Variants in GRIN2B observed in about 807,000 individuals in gnomAD.
The protein encoded by GRIN2B is glutamate ionotropic receptor NMDA type subunit 2B, also known as glutamate receptor ionotropic, NMDA 2B.
Under a neutral mutation model 114.5 loss-of-function variants are expected in GRIN2B, and 5 were observed. The ratio of observed to expected loss-of-function variants is 0.04; its 90% confidence interval spans 0.02 to 0.09. The LOEUF (loss-of-function observed/expected upper bound fraction) is 0.09, where lower values mean the gene tolerates loss of function less well. Among genes scored for constraint, GRIN2B ranks in the 10% least tolerant of loss-of-function variants. The pLI is 1.00. For missense variants in GRIN2B, 1,108 were observed against 1,943.5 expected (o/e 0.57, Z 8.08); for synonymous variants, 787 against 745.1 (o/e 1.06, Z -0.92).
chr12:13,641,455 C>T (rs1339011031), intron 5 of GRIN2B, among the ~76,000 whole-genome samples: 2 of 152,088 alleles, frequency 1.3e-5, no homozygotes, highest in African/African-American at 4.8e-5. Flanking sequence ...ATGTCTTATA[C>T]TTCTCTGTCT....
chr12:13,801,670 A>G (rs1864516744), intron 3 of GRIN2B, among the ~76,000 whole-genome samples: 1 of 152,156 alleles, frequency 6.6e-6, no homozygotes, highest in Admixed American at 6.5e-5. Flanking sequence ...AGACATAACG[A>G]TCCTAAGGTG....
At chr12:13,601,491 A>G (rs955749999) in intron 10 of GRIN2B, among the ~76,000 whole-genome samples, 4 of 151,218 alleles carry the variant, frequency 2.6e-5, no homozygotes, top group Non-Finnish European at 1.5e-5. Context: ...TCATTTTGAG[A>G]TCTTTAACTT....
chr12:13,686,958 C>A (rs560282559), intron 4 of GRIN2B, among the ~76,000 whole-genome samples: 1 of 152,180 alleles, frequency 6.6e-6, no homozygotes, highest in African/African-American at 2.4e-5. Flanking sequence ...CCATGAGAAC[C>A]AGTTGTTAAA....
chr12:13,972,466 C>G (rs1862939943), intron 2 of GRIN2B, among the ~76,000 whole-genome samples: 1 of 151,820 alleles, frequency 6.6e-6, no homozygotes, highest in Admixed American at 6.6e-5. Flanking sequence ...ATCATATAGG[C>G]AGCTACTGGA....
intron 3 of GRIN2B, among the ~76,000 whole-genome samples, chr12:13,829,465 T>C (rs1421394172): frequency 6.6e-6 from 1 of 152,176 alleles, no homozygotes; most frequent in African/African-American, 2.4e-5. Flanking sequence ...GAAAAGATGG[T>C]GCGGGAATTG....
At chr12:13,675,715 T>A (rs775057684) in intron 5 of GRIN2B, 30 bp downstream of exon 5, 1 of 1,322,302 alleles carries the variant, frequency 7.6e-7, no homozygotes, top group South Asian at 1.2e-5. Context: ...TACTCTACTT[T>A]GCTCAAGAAT....
intron 5 of GRIN2B, among the ~76,000 whole-genome samples, chr12:13,651,285 G>A: frequency 6.6e-6 from 1 of 152,064 alleles, no homozygotes; most frequent in East Asian, 1.9e-4. Flanking sequence ...AGTGGAGTCT[G>A]TCCTGCATTA....
At chr12:13,792,492 G>A (rs1450960566) in intron 3 of GRIN2B, among the ~76,000 whole-genome samples, 1 of 152,210 alleles carries the variant, frequency 6.6e-6, no homozygotes, top group Admixed American at 6.5e-5. Context: ...ACCTTTAGGA[G>A]ATATTGTGAC....
intron 3 of GRIN2B, among the ~76,000 whole-genome samples, chr12:13,791,726 T>C (rs1258855061): frequency 1.3e-5 from 2 of 152,182 alleles, no homozygotes; most frequent in African/African-American, 4.8e-5. Flanking sequence ...ATTTTAAGGG[T>C]ACAGGTGATA....
At chr12:13,916,340 C>A (rs1866720105) in intron 2 of GRIN2B, among the ~76,000 whole-genome samples, 1 of 152,174 alleles carries the variant, frequency 6.6e-6, no homozygotes, top group Non-Finnish European at 1.5e-5. Context: ...AAATTATCAT[C>A]TTTGCCAAAC....
intron 10 of GRIN2B, among the ~76,000 whole-genome samples, chr12:13,605,554 C>CTG (rs1404110204): frequency 1.4e-5 from 2 of 147,244 alleles, no homozygotes; most frequent in African/African-American, 5.1e-5. Context: ...CTCTCTCTGA[C>CTG]ACACACACAC....
At chr12:13,840,370 A>G (rs1313009333) in intron 3 of GRIN2B, among the ~76,000 whole-genome samples, 1 of 152,178 alleles carries the variant, frequency 6.6e-6, no homozygotes, top group Non-Finnish European at 1.5e-5. Context: ...CTTACTGTGC[A>G]TTAGGAGGTG....
At chr12:13,644,831 C>T (rs1679926830) in intron 5 of GRIN2B, among the ~76,000 whole-genome samples, 1 of 152,144 alleles carries the variant, frequency 6.6e-6, no homozygotes, top group Admixed American at 6.6e-5. Context: ...TCTAACTTTT[C>T]TTCTACAGCT....
intron 3 of GRIN2B, among the ~76,000 whole-genome samples, chr12:13,809,543 A>G (rs1317798057): frequency 6.6e-6 from 1 of 152,236 alleles, no homozygotes; most frequent in Non-Finnish European, 1.5e-5. Flanking sequence ...AAATCCTAAA[A>G]TGCTAATCTA....
At chr12:13,807,883 T>C (rs1452854557) in intron 3 of GRIN2B, among the ~76,000 whole-genome samples, 2 of 152,012 alleles carry the variant, frequency 1.3e-5, no homozygotes, top group African/African-American at 4.8e-5. Context: ...CCACCCAGCT[T>C]AGGATGGCTC....
chr12:13,665,275 T>C (rs1448808850), intron 5 of GRIN2B, among the ~76,000 whole-genome samples: 1 of 152,004 alleles, frequency 6.6e-6, no homozygotes, highest in Admixed American at 6.6e-5. Context: ...TTCCTTCCTT[T>C]CTTCCTTCTA....
intron 3 of GRIN2B, among the ~76,000 whole-genome samples, chr12:13,851,577 C>T (rs1426602308): frequency 6.6e-6 from 1 of 152,110 alleles, no homozygotes; most frequent in Non-Finnish European, 1.5e-5. Context: ...GGGTATGAGG[C>T]CAGAGTACCT....
intron 3 of GRIN2B, among the ~76,000 whole-genome samples, chr12:13,794,578 C>T (rs1291823995): frequency 6.6e-6 from 1 of 152,190 alleles, no homozygotes; most frequent in African/African-American, 2.4e-5. Flanking sequence ...AATAGTTTTA[C>T]ATCAATATGT....
At chr12:13,890,142 T>A (rs1229539572) in intron 2 of GRIN2B, among the ~76,000 whole-genome samples, 1 of 152,214 alleles carries the variant, frequency 6.6e-6, no homozygotes, top group Non-Finnish European at 1.5e-5. Flanking sequence ...TCTCGTTTCA[T>A]GGACAATAAA....
Sources: allele counts gnomAD v4.1 joint callset (sites outside exome capture counted in the v4.1 genomes callset), GRCh38; gene constraint gnomAD v4.1.1; transcripts MANE v1.5; gene names NCBI Gene and HGNC (gene_info 2026-07-23, HGNC 2026-07-21).